Variants in TCP11L1 observed in about 807,000 individuals in gnomAD.
The protein encoded by TCP11L1 is T-complex protein 11-like protein 1.
In TCP11L1, 28 loss-of-function variants were observed where a neutral mutation model predicts 48.9. That is an observed-to-expected ratio of 0.57 (90% CI 0.42 to 0.78). The LOEUF is 0.78. TCP11L1 is among the 30% of genes least tolerant of loss of function. TCP11L1 has a pLI of 0.00. For missense variants in TCP11L1, 505 were observed against 613.4 expected (o/e 0.82, Z 1.87); for synonymous variants, 204 against 231.9 (o/e 0.88, Z 1.09).
rs1260923340 is a variant in TCP11L1, at chr11:33,073,002, T to C, written c.*326T>C. 5.9e-6 allele frequency: 2 copies of C among 336,522 alleles called. No individual in the cohort carries two copies. Among genetic ancestry groups the C allele is most frequent in the East Asian group, 1.5e-4 (2 of 13,190 alleles). 20.8% of individuals were successfully genotyped at this position (336,522 alleles called of 1,614,324 possible). On this transcript the variant is annotated 3_prime_UTR_variant, in exon 10 of 10. Coordinates refer to ENST00000334274, the MANE Select transcript of TCP11L1 (RefSeq NM_018393.4). ...GCTGGGACCTCTCTCTTCTGCAATC[T>C]GGGTAGTTCTTTCAGATGCCTCATG...
chr11:33,072,549 G>A lies in TCP11L1; in HGVS notation c.1403G>A (p.Gly468Glu). 2 of 1,614,142 alleles carry A rather than the reference G, an allele frequency of 1.2e-6. No homozygotes were observed. The highest frequency in any genetic ancestry group is 1.7e-6 in the Non-Finnish European group (2 of 1,180,020). The change falls in exon 10 of 10, where the codon GGA (glycine) becomes GAA (glutamate). Residue 468 changes from glycine (G) to glutamate (E), a missense_variant. By Grantham distance (98) the Gly-to-Glu change is moderately conservative. Around this residue, in one of 3 missense-constraint regions of TCP11L1, gnomAD observed 335 missense variants for 413.3 expected, o/e 0.81. Coordinates refer to ENST00000334274, the MANE Select transcript of TCP11L1 (RefSeq NM_018393.4). ...AAGCCATTGCCCACAGTCCCTGGGG[G>A]ACTCAGTCCAGTTCAGAGAGAGCTG... ...HQKPLPTVPG[G>E]LSPVQRELEE...
chr11:33,056,999 TC>T, intron 3 of TCP11L1, 115 bp from the exon 4 acceptor site: 1 of 1,418,444 alleles, frequency 7.0e-7, no homozygotes, highest in Non-Finnish European at 9.6e-7. Flanking sequence ...CTTTCCTTGG[TC>T]CAAATCACTG....
intron 2 of TCP11L1, among the ~76,000 whole-genome samples, chr11:33,049,008 T>C (rs562028180): frequency 1.3e-5 from 2 of 152,170 alleles, no homozygotes; most frequent in Non-Finnish European, 2.9e-5. Context: ...TCCCAGCACT[T>C]TGGGAGGCCA....
Position 33,072,469 on chromosome 11 carries a change from C to G in TCP11L1, c.1328-5C>G, listed in dbSNP as rs1174388916. ...AACAACTGACCACTTTCTTTTTTGT[C>G]ACAGAATCTCGAATCCTGACCTTCT... is the stretch of plus-strand genomic sequence containing the variant. On this transcript the variant is annotated splice_region_variant and splice_polypyrimidine_tract_variant and intron_variant, in intron 9 of 9. Coordinates refer to ENST00000334274, the MANE Select transcript of TCP11L1 (RefSeq NM_018393.4). 1.9e-6 allele frequency: 3 copies of G among 1,613,658 alleles called. No homozygotes were observed. The African/African-American group carries it at 4.0e-5, about 22-fold the overall frequency.
chr11:33,057,092 C>T (rs1418754013), intron 3 of TCP11L1, 23 bp from the exon 4 acceptor site: 2 of 1,610,746 alleles, frequency 1.2e-6, no homozygotes, highest in Admixed American at 1.7e-5. Context: ...TTGCCCCCCT[C>T]CTTTTTTTTT....
intron 1 of TCP11L1, among the ~76,000 whole-genome samples, 179 bp from the exon 2 acceptor site, chr11:33,043,571 G>A (rs1397572369): frequency 6.6e-6 from 1 of 152,188 alleles, no homozygotes; most frequent in African/African-American, 2.4e-5. Context: ...CATTTTACAA[G>A]TATCTGTTTA....
chr11:33,045,711 G>A (rs911940799), intron 2 of TCP11L1, among the ~76,000 whole-genome samples: 2 of 152,154 alleles, frequency 1.3e-5, no homozygotes, highest in African/African-American at 4.8e-5. Context: ...ACGAAGTCCA[G>A]TGGAGTCAAA....
At chr11:33,045,006 A>G (rs1006290848) in intron 2 of TCP11L1, among the ~76,000 whole-genome samples, 7 of 152,192 alleles carry the variant, frequency 4.6e-5, no homozygotes, top group African/African-American at 1.4e-4. Flanking sequence ...CTTAATAAAC[A>G]TTAGTTGTTG....
At chr11:33,051,598 A>G (rs7113931) in intron 2 of TCP11L1, among the ~76,000 whole-genome samples, 62,392 of 151,960 alleles carry the variant, frequency 0.41, 13,029 homozygotes, top group African/African-American at 0.48. Context: ...GCACAATCTC[A>G]GCTCACTGCA....
In TCP11L1 at chr11:33,043,799, A is replaced by G. The variant is rs146379561; in HGVS notation, c.26A>G (p.Asn9Ser). 20 of 1,613,178 alleles carry G rather than the reference A, an allele frequency of 1.2e-5. No homozygotes were observed. Among genetic ancestry groups the G allele is most frequent in the Non-Finnish European group, 1.7e-5 (20 of 1,179,804 alleles). The change falls in exon 2 of 10, where the codon AAT becomes AGT. Residue 9 changes from asparagine to serine, a missense_variant. By Grantham distance (46) the Asn-to-Ser change is conservative. Transcript: ENST00000334274. Reference sequence around the variant, plus strand: ...ATGTCTGAAAACCTTGACAAGTCCAATGTAAATGAAGCAGGAAAATCAAAA... The same window carrying G: ...ATGTCTGAAAACCTTGACAAGTCCAGTGTAAATGAAGCAGGAAAATCAAAA... MSENLDKSNVNEAGKSKSN... is the reference protein window; with the variant it reads MSENLDKSSVNEAGKSKSN...
chr11:33,063,267 A>C (rs1263147835), intron 7 of TCP11L1, among the ~76,000 whole-genome samples: 1 of 152,224 alleles, frequency 6.6e-6, no homozygotes, highest in Non-Finnish European at 1.5e-5. Context: ...ATTATAAATT[A>C]TGCTTCTGTG....
rs1854258632 is a variant in TCP11L1, at chr11:33,054,644, G to T, written c.215G>T (p.Gly72Val). ...GAAGAACTTCTAGAGACAGCGAGAG[G>T]TGTCACCAACATGGCTCTAGCCCAT... ...TVEELLETAR[G>V]VTNMALAHEI... Residue 72 changes from glycine (G) to valine (V), a missense_variant, in exon 3 of 10, where the codon GGT (glycine) becomes GTT (valine). By Grantham distance (109) the Gly-to-Val change is moderately radical. Coordinates refer to ENST00000334274, the MANE Select transcript of TCP11L1 (RefSeq NM_018393.4). 6.2e-7 allele frequency: 1 copy of T among 1,613,848 alleles called. No homozygotes were observed. Among genetic ancestry groups the T allele is most frequent in the Admixed American group, 1.7e-5 (1 of 59,966 alleles).
chr11:33,068,962 T>C, intron 9 of TCP11L1, 103 bp downstream of exon 9: 1 of 1,410,194 alleles, frequency 7.1e-7, no homozygotes, highest in Admixed American at 2.2e-5. Context: ...AAGGTGCTGA[T>C]GGGTGAGGAG....
intron 2 of TCP11L1, among the ~76,000 whole-genome samples, chr11:33,047,954 C>G (rs995631612): frequency 6.6e-6 from 1 of 152,178 alleles, no homozygotes; most frequent in African/African-American, 2.4e-5. Flanking sequence ...ATAGGCATCT[C>G]AGGACACCTT....
At chr11:33,051,296 T>C (rs767782678) in intron 2 of TCP11L1, among the ~76,000 whole-genome samples, 10 of 151,836 alleles carry the variant, frequency 6.6e-5, no homozygotes, top group Non-Finnish European at 1.3e-4. Flanking sequence ...GCCTCCCAAG[T>C]AGCTGGGACT....
At chr11:33,056,227 A>G (rs1388819265) in intron 3 of TCP11L1, among the ~76,000 whole-genome samples, 1 of 152,008 alleles carries the variant, frequency 6.6e-6, no homozygotes, top group Admixed American at 6.6e-5. Flanking sequence ...CTCCTGCCTC[A>G]GCCTCCTAAG....
At chr11:33,058,346 G>A (rs1323811927) in intron 5 of TCP11L1, among the ~76,000 whole-genome samples, 4 of 151,768 alleles carry the variant, frequency 2.6e-5, no homozygotes, top group South Asian at 4.2e-4. Flanking sequence ...TTATAGGCAC[G>A]CACCACCGTG....
At chr11:33,040,885 A>G (rs1289123969) in intron 1 of TCP11L1, 1 of 152,194 alleles carries the variant, frequency 6.6e-6, no homozygotes, top group Admixed American at 6.5e-5. Context: ...CCTCCCAGGC[A>G]GAGTTAGTTT....
At chr11:33,057,282 G>A in intron 4 of TCP11L1, 47 bp downstream of exon 4, 1 of 1,608,966 alleles carries the variant, frequency 6.2e-7, no homozygotes, top group African/African-American at 1.3e-5. Context: ...TGTTAGGAGT[G>A]TTTATTCAAC....
Sources: gnomAD v4.1 joint callset for allele counts (sites outside exome capture counted in the v4.1 genomes callset) on GRCh38, gnomAD v4.1.1 for gene constraint, gnomAD v4.1.1 regional missense constraint, MANE v1.5 for transcripts, NCBI Gene and HGNC (gene_info 2026-07-23, HGNC 2026-07-21) for gene names.